Variants in PATJ observed in about 807,000 individuals in gnomAD.
PATJ encodes the protein PATJ crumbs cell polarity complex component, also known as inaD-like protein.
In PATJ, 190 loss-of-function variants were observed where a neutral mutation model predicts 224.9. The observed-to-expected ratio is 0.84, with a 90% confidence interval of 0.75 to 0.95. The LOEUF is 0.95. Ranked by LOEUF, PATJ falls within the 40% of genes least tolerant of loss-of-function variation. The pLI, the probability that PATJ is intolerant of heterozygous loss-of-function variation, is 0.00. For missense variants in PATJ, 2,121 were observed against 2,270.3 expected, an observed-to-expected ratio of 0.93 and a Z score of 1.34; for synonymous variants, 769 against 820.3, an observed-to-expected ratio of 0.94 and a Z score of 1.07.
intron 20 of PATJ, among the ~76,000 whole-genome samples, chr1:61,871,435 G>GTATATACATATATATATACATATATA (rs72255413): frequency 2.8e-5 from 2 of 72,154 alleles, no homozygotes; most frequent in African/African-American, 1.1e-4. Flanking sequence ...ACATATATAT[G>GTATATACATATATATATACATATATA]TGTATATACA....
At chr1:61,837,531 G>A (rs1193718031) in intron 17 of PATJ, among the ~76,000 whole-genome samples, 1 of 152,136 alleles carries the variant, frequency 6.6e-6, no homozygotes, top group Non-Finnish European at 1.5e-5. Flanking sequence ...GCTCACACCT[G>A]TAATCCCAGC....
At chr1:62,156,217 T>A (rs1303332037) in intron 43 of PATJ, among the ~76,000 whole-genome samples, 3 of 150,162 alleles carry the variant, frequency 2.0e-5, no homozygotes, top group African/African-American at 7.4e-5. Context: ...TCTCTAAAAA[T>A]AAAAAAATTT....
intron 14 of PATJ, among the ~76,000 whole-genome samples, chr1:61,811,862 C>G (rs1472028035): frequency 1.3e-5 from 2 of 151,180 alleles, no homozygotes; most frequent in Non-Finnish European, 2.9e-5. Context: ...GAGATCGAGA[C>G]CATCCTGGCT....
chr1:61,932,550 C>T (rs2149308544), intron 27 of PATJ, among the ~76,000 whole-genome samples: 1 of 152,266 alleles, frequency 6.6e-6, no homozygotes. Flanking sequence ...ATGAAAATAA[C>T]CATTGAATTT....
chr1:62,042,769 C>T (rs1651763772), intron 30 of PATJ, among the ~76,000 whole-genome samples: 1 of 152,150 alleles, frequency 6.6e-6, no homozygotes, highest in Non-Finnish European at 1.5e-5. Context: ...GCCTCAGCCT[C>T]CCAAGTAGCT....
chr1:61,765,066 A>ATTTTTTTTTTTTT lies in PATJ; in HGVS notation c.190-1192_190-1180dup, dbSNP rs71582647. On this transcript the variant is annotated intron_variant, in intron 3 of 43. Coordinates refer to ENST00000642238, the MANE Select transcript of PATJ (RefSeq NM_001350145.3). ...TTTCTTTGAGGTTTTATTGACATTC[A>ATTTTTTTTTTTTT]TTTTTTTTTTTTTTTTTTTTTTTTT... Among the ~76,000 whole-genome samples the ATTTTTTTTTTTTT allele has an allele frequency of 7.5e-4, 18 of 24,020 alleles. 5 individuals are homozygous for ATTTTTTTTTTTTT. Among genetic ancestry groups the ATTTTTTTTTTTTT allele is most frequent in the East Asian group, 2.0e-3 (1 of 492 alleles). The allele number at this position is 24,020 out of a possible 152,430, so 15.8% of individuals were successfully genotyped here.
chr1:62,121,029 G>A (rs549554726), intron 37 of PATJ, 152 bp from the exon 38 acceptor site: 1 of 560,236 alleles, frequency 1.8e-6, no homozygotes, highest in South Asian at 2.6e-5. Context: ...AGAGAATAGT[G>A]TGGGTGATTT....
intron 17 of PATJ, among the ~76,000 whole-genome samples, chr1:61,844,895 C>G (rs1287061397): frequency 6.6e-6 from 1 of 152,138 alleles, no homozygotes; most frequent in Non-Finnish European, 1.5e-5. Context: ...CTTTGCGTTA[C>G]ACCATGATTG....
At chr1:61,810,707 T>A (rs957622882) in intron 14 of PATJ, among the ~76,000 whole-genome samples, 112 of 85,264 alleles carry the variant, frequency 1.3e-3, no homozygotes, top group African/African-American at 6.1e-3. Context: ...AAAAAATAAA[T>A]AAATAAATAA....
chr1:62,144,773 A>ATATATATATATATAT lies in PATJ; in HGVS notation c.5272-3511_5272-3510insTATATATATATATAT, dbSNP rs1017771263. On this transcript the variant is annotated intron_variant, in intron 41 of 43. Coordinates refer to ENST00000642238, the MANE Select transcript of PATJ (RefSeq NM_001350145.3). ...GCTCTAGAATGTTATTTGCAAAAAA[A>ATATATATATATATAT]AAAAATATATATATATATATATAAT... Among the ~76,000 whole-genome samples, 9 of 86,910 alleles carry ATATATATATATATAT rather than the reference A, an allele frequency of 1.0e-4. No homozygotes were observed. In the South Asian group the frequency reaches 2.3e-3, roughly 23 times the overall value. 57.0% of individuals were successfully genotyped at this position (86,910 alleles called of 152,430 possible). A position where few individuals can be genotyped will look rare whatever the true frequency, so the allele number is the denominator to read the frequency against.
At chr1:61,794,693 A>G (rs573270598) in intron 9 of PATJ, among the ~76,000 whole-genome samples, 1 of 151,974 alleles carries the variant, frequency 6.6e-6, no homozygotes, top group Non-Finnish European at 1.5e-5. Flanking sequence ...TTAAGACCAT[A>G]TGTACTTTTC....
chr1:62,128,930 G>T lies in PATJ; in HGVS notation c.5256G>T (p.Gly1752=), dbSNP rs1666000271. The T allele has an allele frequency of 1.2e-6, 2 of 1,610,066 alleles. No homozygotes were observed. The highest frequency in any genetic ancestry group is 1.7e-6 in the Non-Finnish European group (2 of 1,176,454). The part of the protein sequence containing the change: ...DVVNLLKNAY[G]RIILQVVADT... ...TTAATCTGCTGAAGAACGCCTACGG[G>T]CGCATTATCCTGCAGGTATTGCGAT... The change falls in exon 41 of 44, where the codon GGG becomes GGT. Residue 1752 remains glycine (G), a synonymous_variant. Coordinates refer to ENST00000642238, the MANE Select transcript of PATJ (RefSeq NM_001350145.3).
Position 62,148,330 on chromosome 1 carries a change from A to T in PATJ, c.5318A>T (p.Asn1773Ile), listed in dbSNP as rs781062985. 6.2e-7 allele frequency: 1 copy of T among 1,613,902 alleles called. No homozygotes were observed. Among genetic ancestry groups the T allele is most frequent in the Non-Finnish European group, 8.5e-7 (1 of 1,179,986 alleles). Residue 1773 changes from asparagine to isoleucine, a missense_variant, in exon 42 of 44, where the codon AAC (asparagine) becomes ATC (isoleucine). Coordinates refer to ENST00000642238, the MANE Select transcript of PATJ (RefSeq NM_001350145.3). ...AGCGCCATAGCAGCTCAGCTTGAAA[A>T]CATGTCTACAGGCTACCACCTTGGT... ...NISAIAAQLE[N>I]MSTGYHLGSP...
chr1:62,114,062 G>A lies in PATJ; in HGVS notation c.4471G>A (p.Val1491Ile), dbSNP rs985147788. The change falls in exon 35 of 44, where the codon GTT becomes ATT. Residue 1491 changes from valine to isoleucine, a missense_variant. Transcript: ENST00000642238. ...ATGCCCATTGTTCCAGGTTAATGGG[G>A]TTGACCTGAGGAACTCCAGCCACGA... ...AGDQILEVNG[V>I]DLRNSSHEEA... 1.9e-6 allele frequency: 3 copies of A among 1,614,030 alleles called. No homozygotes were observed. Among genetic ancestry groups the A allele is most frequent in the Non-Finnish European group, 2.5e-6 (3 of 1,179,932 alleles).
At chr1:61,752,398 C>T (rs543848928) in intron 1 of PATJ, among the ~76,000 whole-genome samples, 1 of 148,282 alleles carries the variant, frequency 6.7e-6, no homozygotes, top group East Asian at 2.1e-4. Context: ...ACTGCAACCT[C>T]TGCCTCCCAG....
chr1:62,024,657 AACAC>A (rs10605703), intron 29 of PATJ, among the ~76,000 whole-genome samples: 11,510 of 106,850 alleles, frequency 0.11, 903 homozygotes, highest in Middle Eastern at 0.15. Flanking sequence ...CCCACCTCCC[AACAC>A]ACACACACAC....
chr1:62,005,900 G>T (rs1214262555), intron 28 of PATJ, among the ~76,000 whole-genome samples: 1 of 152,100 alleles, frequency 6.6e-6, no homozygotes, highest in African/African-American at 2.4e-5. Flanking sequence ...TAATAAAATT[G>T]TGGGTGGGGT....
intron 20 of PATJ, among the ~76,000 whole-genome samples, chr1:61,867,211 C>T (rs937384489): frequency 6.6e-6 from 1 of 152,184 alleles, no homozygotes; most frequent in Non-Finnish European, 1.5e-5. Context: ...TGGAGTTGCT[C>T]TGGTTCCAGC....
intron 7 of PATJ, among the ~76,000 whole-genome samples, chr1:61,780,524 G>C (rs970681599): frequency 2.6e-5 from 4 of 152,056 alleles, no homozygotes; most frequent in Non-Finnish European, 4.4e-5. Context: ...ATTCTTTAAG[G>C]ATTCTTAAAA....
Sources: gnomAD v4.1 joint callset for allele counts (sites outside exome capture counted in the v4.1 genomes callset) on GRCh38, gnomAD v4.1.1 for gene constraint, MANE v1.5 for transcripts, NCBI Gene and HGNC (gene_info 2026-07-23, HGNC 2026-07-21) for gene names.